The following CRYZL1 variants were observed in gnomAD, a reference collection of about 807,000 sequenced individuals.
CRYZL1 encodes the protein ferry endosomal RAB5 effector complex subunit 4.
A neutral mutation model predicts 50.6 loss-of-function variants in CRYZL1; 34 were observed. That is an observed-to-expected ratio of 0.67 (90% CI 0.51 to 0.89). CRYZL1 has a LOEUF of 0.89. CRYZL1 is among the 40% of genes least tolerant of loss of function. The pLI, the probability that CRYZL1 is intolerant of heterozygous loss-of-function variation, is 0.00. For synonymous variants in CRYZL1, 125 were observed against 134.3 expected (o/e 0.93, Z 0.48); for missense variants, 354 against 402.3 (o/e 0.88, Z 1.03).
At chr21:33,636,869 C>G (rs1202603234) in intron 1 of CRYZL1, among the ~76,000 whole-genome samples, 2 of 152,104 alleles carry the variant, frequency 1.3e-5, no homozygotes, top group Admixed American at 6.6e-5. Flanking sequence ...TGCAGTGGCG[C>G]GATGTCGGCT....
At chr21:33,613,639 A>G (rs969485542) in intron 5 of CRYZL1, 33 bp from the exon 6 acceptor site, 2 of 1,495,568 alleles carry the variant, frequency 1.3e-6, no homozygotes, top group Non-Finnish European at 1.9e-6. Flanking sequence ...AAAGGGATGT[A>G]AGTCAAAAAT....
intron 3 of CRYZL1, 81 bp from the exon 4 acceptor site, chr21:33,622,149 A>T (rs2087010696): frequency 1.8e-6 from 2 of 1,119,160 alleles, no homozygotes; most frequent in South Asian, 2.7e-5. Context: ...AGCGAGAGTA[A>T]AAGTCAAATC....
chr21:33,617,452 CAG>C (rs2086946689), intron 4 of CRYZL1, among the ~76,000 whole-genome samples: 1 of 152,106 alleles, frequency 6.6e-6, no homozygotes, highest in Non-Finnish European at 1.5e-5. Flanking sequence ...TCTCATACAA[CAG>C]GGAATTCTGA....
intron 1 of CRYZL1, among the ~76,000 whole-genome samples, chr21:33,631,808 C>T (rs1364739504): frequency 6.6e-6 from 1 of 152,166 alleles, no homozygotes; most frequent in Non-Finnish European, 1.5e-5. Context: ...CTTCATTTTA[C>T]TTTCCTATAC....
intron 6 of CRYZL1, among the ~76,000 whole-genome samples, chr21:33,606,872 G>C (rs1212544103): frequency 6.6e-6 from 1 of 150,782 alleles, no homozygotes; most frequent in African/African-American, 2.4e-5. Context: ...TTAGTCAGGC[G>C]TGGTGGCGCA....
At chr21:33,597,877 G>C (rs1004551757) in intron 9 of CRYZL1, among the ~76,000 whole-genome samples, 1 of 152,256 alleles carries the variant, frequency 6.6e-6, no homozygotes, top group Admixed American at 6.5e-5. Flanking sequence ...GCCTCCCAAA[G>C]TGCTGGGATT....
At chr21:33,637,093 A>T (rs944082402) in intron 1 of CRYZL1, among the ~76,000 whole-genome samples, 1 of 152,202 alleles carries the variant, frequency 6.6e-6, no homozygotes, top group African/African-American at 2.4e-5. Flanking sequence ...TTTAACAGAC[A>T]CAAAGCTGGA....
In CRYZL1 at chr21:33,589,914, A is replaced by G; in HGVS notation, c.958T>C (p.Leu320=). The change falls in exon 13 of 13, where the codon TTG becomes CTG. Residue 320 remains leucine (L), a synonymous_variant. Transcript: ENST00000381554. The part of the protein sequence containing the change: ...KLSTGVFRPQ[L]DEPIPLYEAK... ...TCATACAGTGGAATGGGTTCATCCA[A>G]CTGAGGTCTGAGAAGGAATGAAATT... The G allele has an allele frequency of 6.3e-7, 1 of 1,591,206 alleles. No homozygotes were observed. The highest frequency in any genetic ancestry group is 8.6e-7 in the Non-Finnish European group (1 of 1,166,120).
chr21:33,629,703 C>T (rs1301029817), intron 2 of CRYZL1, among the ~76,000 whole-genome samples: 2 of 152,198 alleles, frequency 1.3e-5, no homozygotes, highest in Non-Finnish European at 2.9e-5. Context: ...TTTCTTCTTT[C>T]CAATTCGAAT....
At chr21:33,605,506 TA>T (rs1338750489) in intron 6 of CRYZL1, among the ~76,000 whole-genome samples, 1 of 144,048 alleles carries the variant, frequency 6.9e-6, no homozygotes, top group Non-Finnish European at 1.5e-5. Context: ...TACACTGATG[TA>T]ATTTTTCCGC....
chr21:33,597,451 A>G (rs374578477), intron 9 of CRYZL1, 50 bp from the exon 10 acceptor site: 1 of 1,359,340 alleles, frequency 7.4e-7, no homozygotes, highest in Non-Finnish European at 1.0e-6. Context: ...AATATATTTT[A>G]TAATAATCTG....
At chr21:33,628,967 C>T (rs563939016) in intron 2 of CRYZL1, among the ~76,000 whole-genome samples, 3 of 151,768 alleles carry the variant, frequency 2.0e-5, no homozygotes, top group Admixed American at 6.6e-5. Context: ...CGGTGGCTCA[C>T]GCCTATAATT....
At chr21:33,616,645 G>GA in intron 5 of CRYZL1, 61 bp downstream of exon 5, 2 of 1,600,388 alleles carry the variant, frequency 1.2e-6, no homozygotes, top group Non-Finnish European at 1.7e-6. Context: ...TAGTTATATA[G>GA]AAAAAACAGA....
intron 5 of CRYZL1, among the ~76,000 whole-genome samples, chr21:33,615,553 G>C (rs780798114): frequency 3.8e-4 from 58 of 152,038 alleles, no homozygotes; most frequent in Non-Finnish European, 7.4e-4. Context: ...AAAAGTCATA[G>C]CCTATGTTTG....
At chr21:33,631,923 G>C (rs936099700) in intron 1 of CRYZL1, among the ~76,000 whole-genome samples, 5 of 152,062 alleles carry the variant, frequency 3.3e-5, no homozygotes, top group Non-Finnish European at 2.9e-5. Context: ...AAAGGCTTTC[G>C]AAGTCTTAAA....
At chr21:33,609,879 A>T (rs2086852199) in intron 6 of CRYZL1, among the ~76,000 whole-genome samples, 1 of 147,020 alleles carries the variant, frequency 6.8e-6, no homozygotes, top group Admixed American at 6.9e-5. Context: ...ATTTTTTTGT[A>T]TTTTTTAGTA....
At chr21:33,612,287 ATTTTTTTTTTTTT>A (rs890783134) in intron 6 of CRYZL1, among the ~76,000 whole-genome samples, 1 of 138,770 alleles carries the variant, frequency 7.2e-6, no homozygotes, top group African/African-American at 2.6e-5. Flanking sequence ...TGGGATGGTC[ATTTTTTTTTTTTT>A]TTTGAGATGA....
At chr21:33,597,056 G>C (rs1043560042) in intron 10 of CRYZL1, among the ~76,000 whole-genome samples, 2 of 151,714 alleles carry the variant, frequency 1.3e-5, no homozygotes, top group Non-Finnish European at 2.9e-5. Flanking sequence ...TTTTTGTAGA[G>C]ATGGGGTTTC....
intron 1 of CRYZL1, chr21:33,639,980 C>T (rs776064304): frequency 3.8e-4 from 192 of 510,662 alleles, no homozygotes; most frequent in Non-Finnish European, 5.9e-4. Flanking sequence ...CGTGCACCAC[C>T]ATGCCCGGCT....
Sources: allele counts gnomAD v4.1 joint callset (sites outside exome capture counted in the v4.1 genomes callset), GRCh38; gene constraint gnomAD v4.1.1; transcripts MANE v1.5; gene names NCBI Gene and HGNC (gene_info 2026-07-23, HGNC 2026-07-21).